Variants in TBC1D9 observed in about 807,000 individuals in gnomAD.
TBC1D9 encodes the protein TBC1 domain family member 9A.
In TBC1D9, 63 loss-of-function variants were observed where a neutral mutation model predicts 132.0. That is an observed-to-expected ratio of 0.48 (90% confidence interval 0.39 to 0.59). The LOEUF is 0.59. Among genes scored for constraint, TBC1D9 ranks in the 20% least tolerant of loss-of-function variants. The pLI, the probability that TBC1D9 is intolerant of heterozygous loss-of-function variation, is 0.00. For missense variants in TBC1D9, 1,261 were observed against 1,592.7 expected (o/e 0.79, Z 3.54); for synonymous variants, 610 against 609.9 (o/e 1.00, Z 0.00).
rs1012620137 is a variant in TBC1D9, at chr4:140,706,734, A to G, written c.131-5120T>C. Among the ~76,000 whole-genome samples the G allele has an allele frequency of 6.6e-6, 1 of 152,126 alleles. No individual in the cohort carries two copies. The highest frequency in any genetic ancestry group is 2.4e-5 in the African/African-American group (1 of 41,418). The stretch of plus-strand genomic sequence containing the variant: ...TATAAAAAATTTAAAACTGATGAGT[A>G]TTTTACAAATTTGTCTGCAAGGTAC... On this transcript the variant is annotated intron_variant, in intron 1 of 20. Coordinates refer to ENST00000442267, the MANE Select transcript of TBC1D9 (RefSeq NM_015130.3). The surrounding 1 kb of genome is among the most constrained non-coding windows in gnomAD (Gnocchi z 4.0).
intron 1 of TBC1D9, among the ~76,000 whole-genome samples, chr4:140,737,862 T>C (rs1034756335): frequency 6.6e-6 from 1 of 152,136 alleles, no homozygotes; most frequent in African/African-American, 2.4e-5. Context: ...AAGAAGCTGA[T>C]AAAAAGTGGA....
At chr4:140,753,003 T>C (rs1401116825) in intron 1 of TBC1D9, among the ~76,000 whole-genome samples, 5 of 152,170 alleles carry the variant, frequency 3.3e-5, no homozygotes, top group African/African-American at 7.2e-5. Flanking sequence ...ACAGCTGATA[T>C]CTAACACTTA....
chr4:140,709,248 T>TCTCACACA lies in TBC1D9; in HGVS notation c.131-7635_131-7634insTGTGTGAG, dbSNP rs1382500714. Among the ~76,000 whole-genome samples the TCTCACACA allele has an allele frequency of 8.4e-3, 871 of 104,160 alleles. 4 individuals are homozygous for TCTCACACA. Among genetic ancestry groups the TCTCACACA allele is most frequent in the Non-Finnish European group, 0.012 (652 of 54,922 alleles). The allele number at this position is 104,160 out of a possible 152,430, so 68.3% of individuals were successfully genotyped here. On this transcript the variant is annotated intron_variant, in intron 1 of 20. Coordinates refer to ENST00000442267, the MANE Select transcript of TBC1D9 (RefSeq NM_015130.3). The stretch of plus-strand genomic sequence containing the variant: ...CTCTCTCTCTCTCTCTCTCTCTCTC[T>TCTCACACA]CACACACACACACACACACACACAC...
intron 5 of TBC1D9, among the ~76,000 whole-genome samples, chr4:140,677,737 C>T (rs1307883901): frequency 6.6e-6 from 1 of 152,154 alleles, no homozygotes; most frequent in Non-Finnish European, 1.5e-5. Context: ...CTTCATAGAG[C>T]AAAGGTCCAT....
intron 1 of TBC1D9, among the ~76,000 whole-genome samples, chr4:140,747,749 T>G (rs114066640): frequency 6.6e-6 from 1 of 152,052 alleles, no homozygotes; most frequent in Admixed American, 6.5e-5. Context: ...GGGACCAGGA[T>G]AGGAGTTAGT....
At chr4:140,644,667 C>G (rs1032115372) in intron 13 of TBC1D9, 25 of 419,724 alleles carry the variant, frequency 6.0e-5, no homozygotes, top group African/African-American at 5.3e-4. Context: ...CCTGGGCCGC[C>G]CGCTGCTGCA....
intron 1 of TBC1D9, among the ~76,000 whole-genome samples, chr4:140,737,108 T>C (rs914778755): frequency 3.9e-5 from 6 of 152,194 alleles, no homozygotes; most frequent in African/African-American, 1.4e-4. Flanking sequence ...ATCCCTTGCA[T>C]GCGCAGTGCA....
At chr4:140,632,156 T>C (rs1270911889) in intron 16 of TBC1D9, among the ~76,000 whole-genome samples, 1 of 152,232 alleles carries the variant, frequency 6.6e-6, no homozygotes, top group Non-Finnish European at 1.5e-5. Context: ...GCATTCTCCT[T>C]ACTGGAGTTG....
intron 1 of TBC1D9, among the ~76,000 whole-genome samples, chr4:140,715,167 C>T (rs893025064): frequency 4.3e-4 from 66 of 152,238 alleles, no homozygotes; most frequent in African/African-American, 1.6e-3. Context: ...TCTGTTTTGT[C>T]AGTCTTAAGA....
intron 16 of TBC1D9, among the ~76,000 whole-genome samples, chr4:140,630,486 T>G (rs1206071672): frequency 6.6e-6 from 1 of 152,190 alleles, no homozygotes; most frequent in African/African-American, 2.4e-5. Context: ...CAACTGCTTC[T>G]CATTCCCCTG....
At chr4:140,694,246 T>A (rs774445636) in intron 2 of TBC1D9, among the ~76,000 whole-genome samples, 5 of 152,164 alleles carry the variant, frequency 3.3e-5, no homozygotes, top group Admixed American at 6.6e-5. Context: ...AGTAGATAAT[T>A]TATGTTACAT....
At chr4:140,716,781 T>TA (rs1333947584) in intron 1 of TBC1D9, among the ~76,000 whole-genome samples, 2 of 151,908 alleles carry the variant, frequency 1.3e-5, no homozygotes, top group Admixed American at 6.6e-5. Context: ...ATGAAGAACT[T>TA]ACGTTTTTTT....
chr4:140,727,157 T>G (rs1578858108), intron 1 of TBC1D9, among the ~76,000 whole-genome samples: 1 of 152,208 alleles, frequency 6.6e-6, no homozygotes, highest in East Asian at 1.9e-4. Context: ...TCCCCAGCAG[T>G]TCACAGAGCC....
chr4:140,711,875 G>A (rs1738248935), intron 1 of TBC1D9, among the ~76,000 whole-genome samples: 2 of 152,046 alleles, frequency 1.3e-5, no homozygotes. Context: ...AACTAAATAT[G>A]AATATTAACA....
intron 1 of TBC1D9, among the ~76,000 whole-genome samples, chr4:140,747,478 A>T (rs982594207): frequency 6.6e-6 from 1 of 152,218 alleles, no homozygotes; most frequent in Admixed American, 6.5e-5. Flanking sequence ...TAATAATAGC[A>T]TCTACCTTAT....
In TBC1D9 at chr4:140,622,242, G is replaced by C. The variant is rs1290760501; in HGVS notation, c.3754C>G (p.Pro1252Ala). The C allele has an allele frequency of 2.5e-6, 4 of 1,600,784 alleles. No individual in the cohort carries two copies. Among genetic ancestry groups the C allele is most frequent in the Non-Finnish European group, 3.4e-6 (4 of 1,168,956 alleles). Reference protein sequence around the residue: ...SAKNIRMMGKPLTSASDYEIS... With the variant: ...SAKNIRMMGKALTSASDYEIS... The stretch of plus-strand genomic sequence containing the variant: ...TCATAGTCACTGGCCGAGGTGAGGG[G>C]CTTGCCCATCATCCGGATGTTTTTT... Residue 1252 changes from proline to alanine, a missense_variant, in exon 21 of 21, where the codon CCC becomes GCC. Around this residue, in one of 3 missense-constraint regions of TBC1D9, gnomAD observed 618 missense variants for 724.4 expected, o/e 0.85. Transcript: ENST00000442267.
chr4:140,711,151 G>A (rs868398792), intron 1 of TBC1D9, among the ~76,000 whole-genome samples: 3 of 152,190 alleles, frequency 2.0e-5, no homozygotes, highest in African/African-American at 7.2e-5. Context: ...CTCAAAAGGC[G>A]GGGGCTTAAT....
chr4:140,667,772 A>G (rs1006241980), intron 9 of TBC1D9, among the ~76,000 whole-genome samples: 1 of 152,204 alleles, frequency 6.6e-6, no homozygotes, highest in African/African-American at 2.4e-5. Context: ...AAAATAAGAC[A>G]TGTATTAAAT....
chr4:140,642,140 G>C lies in TBC1D9; in HGVS notation c.2338-2712C>G, dbSNP rs1737010720. ...GCTAGGGGCCGCCAGCTGCCTTGCTGTCCTTTGCCACCATGCCACACAGGA... is the reference window on the plus strand; with the variant it reads ...GCTAGGGGCCGCCAGCTGCCTTGCTCTCCTTTGCCACCATGCCACACAGGA... On this transcript the variant is annotated intron_variant, in intron 13 of 20. Transcript: ENST00000442267. 6.5e-6 allele frequency: 5 copies of C among 763,370 alleles called. No homozygotes were observed. The South Asian group carries it at 7.0e-5, about 11-fold the overall frequency. 47.3% of individuals were successfully genotyped at this position (763,370 alleles called of 1,614,324 possible).
Sources: gnomAD v4.1 joint callset for allele counts (sites outside exome capture counted in the v4.1 genomes callset) on GRCh38, gnomAD v4.1.1 for gene constraint, gnomAD v4.1.1 regional missense constraint, Gnocchi (gnomAD v3.1) non-coding constraint, MANE v1.5 for transcripts, NCBI Gene and HGNC (gene_info 2026-07-23, HGNC 2026-07-21) for gene names.